SH2D4B: variants seen among roughly 807,000 people sequenced by gnomAD.
SH2D4B encodes the protein SH2 domain containing 4B.
SH2D4B carries 45 observed loss-of-function variants against 61.5 expected under a neutral mutation model. The observed-to-expected ratio is 0.73, with a 90% CI of 0.58 to 0.94. The LOEUF (loss-of-function observed/expected upper bound fraction) is 0.94. SH2D4B is among the 40% of genes least tolerant of loss of function. The probability of loss-of-function intolerance (pLI) is 0.00; values close to 1 mark genes in which losing one functional copy is unlikely to be tolerated. For synonymous variants in SH2D4B, 224 were observed against 220.4 expected, an observed-to-expected ratio of 1.02 and a Z score of -0.14; for missense variants, 572 against 574.2, an observed-to-expected ratio of 1.00 and a Z score of 0.04.
At position 80,581,011 on chromosome 10, in the gene SH2D4B, C is replaced by A. The variant is rs987914510; in HGVS notation, c.496-7619C>A. On this transcript the variant is annotated intron_variant, in intron 3 of 7. Coordinates refer to ENST00000646907, the MANE Select transcript of SH2D4B (RefSeq NM_001388272.1). The stretch of plus-strand genomic sequence containing the variant: ...AATGAGAATTTTTAGGCAATTTCAG[C>A]TTTGAGCGTTATTTTAGCAAGACCA... Among the ~76,000 whole-genome samples the A allele has an allele frequency of 1.8e-4, 27 of 152,218 alleles. 1 individual carries two copies. The highest frequency in any genetic ancestry group is 1.8e-3 in the Admixed American group (27 of 15,292).
At chr10:80,610,685 T>C (rs1842586280) in intron 6 of SH2D4B, among the ~76,000 whole-genome samples, 1 of 152,186 alleles carries the variant, frequency 6.6e-6, no homozygotes, top group African/African-American at 2.4e-5. Flanking sequence ...CCACTGCTGT[T>C]GAGCTCTCCA....
At chr10:80,581,124 T>C (rs961327567) in intron 3 of SH2D4B, among the ~76,000 whole-genome samples, 14 of 152,230 alleles carry the variant, frequency 9.2e-5, no homozygotes, top group African/African-American at 3.4e-4. Context: ...AAATGGCCAG[T>C]CATTTTCCTC....
chr10:80,644,206 A>G lies in SH2D4B; in HGVS notation c.*121A>G, dbSNP rs1815480519. On this transcript the variant is annotated 3_prime_UTR_variant, in exon 8 of 8. Coordinates refer to ENST00000646907, the MANE Select transcript of SH2D4B (RefSeq NM_001388272.1). ...CACCACTATCCAAAGGAAAAAGTAG[A>G]TTAATATGCCTCAAGGGATATGACA... 1 of 749,162 alleles carries G rather than the reference A, an allele frequency of 1.3e-6. No homozygotes were observed. Among genetic ancestry groups the G allele is most frequent in the Non-Finnish European group, 2.2e-6 (1 of 445,424 alleles). The allele number at this position is 749,162 out of a possible 1,614,324, so 46.4% of individuals were successfully genotyped here. A position where few individuals can be genotyped will look rare whatever the true frequency, so the allele number is the denominator to read the frequency against.
At chr10:80,565,296 C>A (rs1841950854) in intron 1 of SH2D4B, among the ~76,000 whole-genome samples, 1 of 152,022 alleles carries the variant, frequency 6.6e-6, no homozygotes, top group Non-Finnish European at 1.5e-5. Context: ...ATTAACCATC[C>A]CCTGTACCCC....
At chr10:80,578,858 G>C (rs1842155714) in intron 3 of SH2D4B, among the ~76,000 whole-genome samples, 2 of 152,208 alleles carry the variant, frequency 1.3e-5, no homozygotes, top group South Asian at 4.1e-4. Flanking sequence ...AACGAGGAAG[G>C]AGAGAAGGGA....
intron 3 of SH2D4B, 82 bp downstream of exon 3, chr10:80,571,660 A>G (rs72805713): frequency 0.037 from 56,999 of 1,533,320 alleles, 1,274 homozygotes; most frequent in Middle Eastern, 0.055. Flanking sequence ...GTTTGGATCA[A>G]TCCTTGGCCA....
rs1018322556 is a variant in SH2D4B, at chr10:80,645,874, A to C, written c.*1789A>C. The C allele has an allele frequency of 6.6e-6, 1 of 152,202 alleles. No homozygotes were observed. The highest frequency in any genetic ancestry group is 6.5e-5 in the Admixed American group (1 of 15,278). 9.4% of individuals were successfully genotyped at this position (152,202 alleles called of 1,614,324 possible). A position where few individuals can be genotyped will look rare whatever the true frequency, so the allele number is the denominator to read the frequency against. On this transcript the variant is annotated 3_prime_UTR_variant, in exon 8 of 8. Coordinates refer to ENST00000646907, the MANE Select transcript of SH2D4B (RefSeq NM_001388272.1). ...CCTGTCTCACTACATGCATAAAGTG[A>C]AATGATGGAAGGAATCTGCTTTCTG...
chr10:80,589,251 G>T (rs1278099724), intron 4 of SH2D4B, among the ~76,000 whole-genome samples: 1 of 152,126 alleles, frequency 6.6e-6, no homozygotes, highest in African/African-American at 2.4e-5. Context: ...TGACCCACCT[G>T]CCTCGGCCTC....
At chr10:80,609,333 CCCTTCCTCTT>C in intron 5 of SH2D4B, 81 bp from the exon 6 acceptor site, 1 of 1,251,658 alleles carries the variant, frequency 8.0e-7, no homozygotes, top group Non-Finnish European at 1.1e-6. Flanking sequence ...ACCTTCCTCT[CCCTTCCTCTT>C]TCCTTCCCCT....
Position 80,540,114 on chromosome 10 carries a change from A to C in SH2D4B, c.184+1599A>C, listed in dbSNP as rs1056632060. Among the ~76,000 whole-genome samples, 8 of 152,328 alleles carry C rather than the reference A, an allele frequency of 5.3e-5. No homozygotes were observed. In the East Asian group the frequency reaches 1.5e-3, roughly 29 times the overall value. ...ATAGACATCTACATTTTCATGTATA[A>C]ATTATACATTAAACTCATTTGAGTT... is the stretch of plus-strand genomic sequence containing the variant. On this transcript the variant is annotated intron_variant, in intron 1 of 7. Transcript: ENST00000646907.
At chr10:80,597,590 C>T (rs772997535) in intron 4 of SH2D4B, among the ~76,000 whole-genome samples, 6 of 152,112 alleles carry the variant, frequency 3.9e-5, no homozygotes, top group Non-Finnish European at 7.3e-5. Context: ...CTCTTGAACC[C>T]GGGAGGTGGA....
intron 6 of SH2D4B, 94 bp downstream of exon 6, chr10:80,609,645 AG>A (rs1842571542): frequency 4.5e-6 from 7 of 1,564,366 alleles, no homozygotes; most frequent in Non-Finnish European, 6.1e-6. Context: ...AGTTATAATC[AG>A]GGGGCAGAGG....
chr10:80,548,704 C>G (rs1485551972), intron 1 of SH2D4B, among the ~76,000 whole-genome samples: 1 of 152,228 alleles, frequency 6.6e-6, no homozygotes, highest in Non-Finnish European at 1.5e-5. Flanking sequence ...TGCTCGTCTC[C>G]TTCCTTTCTT....
intron 7 of SH2D4B, among the ~76,000 whole-genome samples, chr10:80,638,226 G>A (rs1387356172): frequency 6.6e-6 from 1 of 152,118 alleles, no homozygotes; most frequent in Admixed American, 6.5e-5. Flanking sequence ...ATGTTCATCA[G>A]GGATATTGGT....
intron 7 of SH2D4B, among the ~76,000 whole-genome samples, chr10:80,642,515 A>T (rs1840324090): frequency 6.6e-6 from 1 of 152,224 alleles, no homozygotes; most frequent in South Asian, 2.1e-4. Context: ...TGAAGTGCTG[A>T]AACAATATAC....
rs116726214 is a variant in SH2D4B at position 80,579,222 on chromosome 10, G to A, written c.495+7644G>A. Among the ~76,000 whole-genome samples the A allele has an allele frequency of 5.4e-3, 825 of 152,092 alleles. 6 individuals carry two copies. The highest frequency in any genetic ancestry group is 0.019 in the African/African-American group (790 of 41,472). On this transcript the variant is annotated intron_variant, in intron 3 of 7. Transcript: ENST00000646907. ...AGGTTCTGCTAATTCTCCAGGTCAT[G>A]GAAAAGGTAATAATGACAACTGCAT...
intron 4 of SH2D4B, among the ~76,000 whole-genome samples, chr10:80,590,247 T>A (rs778503841): frequency 3.3e-5 from 5 of 152,126 alleles, no homozygotes; most frequent in Non-Finnish European, 7.4e-5. Context: ...AGGGGCTGTC[T>A]CTAGTTTTGC....
chr10:80,609,401 C>T (rs201890636), intron 5 of SH2D4B, 23 bp from the exon 6 acceptor site: 15 of 1,610,512 alleles, frequency 9.3e-6, no homozygotes, highest in Middle Eastern at 1.7e-4. Context: ...CTCTTCTGCC[C>T]TCCCCACTTT....
Position 80,541,051 on chromosome 10 carries a change from A to G in SH2D4B, c.184+2536A>G. The G allele has an allele frequency of 3.8e-5, 30 of 783,634 alleles. 1 individual carries two copies. The South Asian group carries it at 4.2e-4, about 11-fold the overall frequency. The allele number at this position is 783,634 out of a possible 1,614,324, so 48.5% of individuals were successfully genotyped here. On this transcript the variant is annotated intron_variant, in intron 1 of 7. Coordinates refer to ENST00000646907, the MANE Select transcript of SH2D4B (RefSeq NM_001388272.1). ...CTGTTAGTGAGAAGCGAAAGTACAC[A>G]CTTGAGAGAGAAGTGCGGGCGTGCT...
Sources: gnomAD v4.1 joint callset for allele counts (sites outside exome capture counted in the v4.1 genomes callset) on GRCh38, gnomAD v4.1.1 for gene constraint, MANE v1.5 for transcripts, NCBI Gene and HGNC (gene_info 2026-07-23, HGNC 2026-07-21) for gene names.